Variants in GALNT2 observed in about 807,000 individuals in gnomAD.
GALNT2 encodes the protein UDP-GalNAc:polypeptide N-acetylgalactosaminyltransferase 2.
GALNT2 carries 31 observed loss-of-function variants against 81.4 expected under a neutral mutation model. That is an observed-to-expected ratio of 0.38 (90% CI 0.29 to 0.51). The LOEUF (loss-of-function observed/expected upper bound fraction) is 0.51, where lower values mean the gene tolerates loss of function less well. GALNT2 is among the 20% of genes least tolerant of loss of function. The pLI is 0.87. For synonymous variants in GALNT2, 303 were observed against 287.4 expected (o/e 1.05, Z -0.55); for missense variants, 629 against 765.7 (o/e 0.82, Z 2.11).
At chr1:230,254,546 ACT>A (rs1291944707) in intron 10 of GALNT2, among the ~76,000 whole-genome samples, 1 of 151,964 alleles carries the variant, frequency 6.6e-6, no homozygotes, top group Admixed American at 6.6e-5. Context: ...GTAAGTCCAA[ACT>A]CTGCCTGGAG....
At chr1:230,242,254 G>T (rs1414624805) in intron 6 of GALNT2, among the ~76,000 whole-genome samples, 3 of 152,054 alleles carry the variant, frequency 2.0e-5, no homozygotes, top group African/African-American at 7.2e-5. Context: ...TTTATATTTT[G>T]CTCAGAGTTT....
At chr1:230,253,226 C>T (rs888231495) in intron 10 of GALNT2, among the ~76,000 whole-genome samples, 35 of 152,170 alleles carry the variant, frequency 2.3e-4, no homozygotes, top group African/African-American at 8.2e-4. Flanking sequence ...GTGATTGTAA[C>T]CATACATTTT....
chr1:230,092,286 A>C (rs1424164483), intron 1 of GALNT2, among the ~76,000 whole-genome samples: 5 of 149,286 alleles, frequency 3.3e-5, no homozygotes, highest in Non-Finnish European at 3.0e-5. Context: ...ATCAGACTTG[A>C]GTTCTTTCCT....
intron 1 of GALNT2, among the ~76,000 whole-genome samples, chr1:230,137,182 A>C (rs1661576279): frequency 6.6e-6 from 1 of 152,148 alleles, no homozygotes; most frequent in African/African-American, 2.4e-5. Context: ...TTTTCACTGG[A>C]GCCTGAGTGG....
At chr1:230,278,575 A>G (rs1343610955) in intron 15 of GALNT2, among the ~76,000 whole-genome samples, 1 of 152,180 alleles carries the variant, frequency 6.6e-6, no homozygotes, top group Non-Finnish European at 1.5e-5. Context: ...GTAAAGAGGC[A>G]TCGTACCCTG....
chr1:230,250,385 C>A, intron 9 of GALNT2, 72 bp from the exon 10 acceptor site: 4 of 1,130,618 alleles, frequency 3.5e-6, no homozygotes, highest in South Asian at 1.3e-5. Context: ...TTGGCCTTGG[C>A]GCAAGGGTGC....
At chr1:230,219,352 G>T (rs1475146826) in intron 3 of GALNT2, among the ~76,000 whole-genome samples, 2 of 152,072 alleles carry the variant, frequency 1.3e-5, no homozygotes, top group African/African-American at 4.8e-5. Flanking sequence ...ATAAAGCAAT[G>T]CCCTGGTTGC....
At chr1:230,277,622 G>A (rs1666335130) in intron 15 of GALNT2, among the ~76,000 whole-genome samples, 1 of 152,204 alleles carries the variant, frequency 6.6e-6, no homozygotes, top group African/African-American at 2.4e-5. Context: ...GTCTTTCCCT[G>A]CTGGCAAGAA....
At chr1:230,269,939 C>T (rs941458651) in intron 14 of GALNT2, among the ~76,000 whole-genome samples, 4 of 152,096 alleles carry the variant, frequency 2.6e-5, no homozygotes, top group East Asian at 1.9e-4. Flanking sequence ...CGGTGGCTCA[C>T]GCCTGTAATC....
chr1:230,169,091 T>A (rs1024477446), intron 1 of GALNT2, among the ~76,000 whole-genome samples: 1 of 152,122 alleles, frequency 6.6e-6, no homozygotes, highest in Non-Finnish European at 1.5e-5. Flanking sequence ...GAGTTATGGG[T>A]TTGGGAGAGG....
At chr1:230,129,763 G>T (rs1236249189) in intron 1 of GALNT2, among the ~76,000 whole-genome samples, 1 of 152,200 alleles carries the variant, frequency 6.6e-6, no homozygotes, top group African/African-American at 2.4e-5. Flanking sequence ...TGGGTATTCT[G>T]CATGCTGCTG....
intron 6 of GALNT2, among the ~76,000 whole-genome samples, chr1:230,237,346 G>A (rs1487417918): frequency 1.3e-5 from 2 of 152,224 alleles, no homozygotes; most frequent in Non-Finnish European, 1.5e-5. Flanking sequence ...CAGTGTGTCA[G>A]TGCTGTTAGA....
intron 3 of GALNT2, among the ~76,000 whole-genome samples, chr1:230,215,124 T>C (rs183126149): frequency 6.6e-6 from 1 of 152,294 alleles, no homozygotes; most frequent in Non-Finnish European, 1.5e-5. Flanking sequence ...AGCTGGTGAG[T>C]TTCCAGTTCT....
chr1:230,141,058 T>TC (rs1661715308), intron 1 of GALNT2, among the ~76,000 whole-genome samples: 1 of 152,204 alleles, frequency 6.6e-6, no homozygotes, highest in South Asian at 2.1e-4. Context: ...AATGCATAGA[T>TC]CTGTAGGTAA....
upstream of GALNT2, chr1:230,067,200 C>A: frequency 1.1e-6 from 1 of 894,562 alleles, no homozygotes. Context: ...TCCGCTCCTC[C>A]CCCGGCCCCC....
Position 230,255,214 on chromosome 1 carries a change from T to C in GALNT2, c.1010-4T>C, listed in dbSNP as rs370362368. Reference sequence around the variant, plus strand: ...AGTCACCTGTGTCTTGTTCATCGTCTCAGAGATCTCGTTCCGCGTGTGGCA... The same window carrying C: ...AGTCACCTGTGTCTTGTTCATCGTCCCAGAGATCTCGTTCCGCGTGTGGCA... On this transcript the variant is annotated splice_polypyrimidine_tract_variant and splice_region_variant and intron_variant, in intron 10 of 15. Coordinates refer to ENST00000366672, the MANE Select transcript of GALNT2 (RefSeq NM_004481.5). The C allele has an allele frequency of 3.8e-5, 61 of 1,614,094 alleles. No individual in the cohort carries two copies. The African/African-American group carries it at 8.0e-4, about 21-fold the overall frequency.
intron 2 of GALNT2, among the ~76,000 whole-genome samples, chr1:230,180,880 T>G (rs747748638): frequency 6.6e-6 from 1 of 152,222 alleles, no homozygotes; most frequent in Non-Finnish European, 1.5e-5. Flanking sequence ...GTAAATGGTC[T>G]TGTGATTTTC....
intron 14 of GALNT2, among the ~76,000 whole-genome samples, chr1:230,274,072 A>T (rs1420220500): frequency 6.6e-6 from 1 of 152,252 alleles, no homozygotes; most frequent in African/African-American, 2.4e-5. Context: ...CCAACTGTCT[A>T]CCTGGTGTAT....
chr1:230,247,157 G>T (rs1050324628), intron 8 of GALNT2, among the ~76,000 whole-genome samples: 1 of 152,076 alleles, frequency 6.6e-6, no homozygotes, highest in African/African-American at 2.4e-5. Context: ...ACTTGAGCCT[G>T]GGAGGTCAAG....
Sources: gnomAD v4.1 joint callset for allele counts (sites outside exome capture counted in the v4.1 genomes callset) on GRCh38, gnomAD v4.1.1 for gene constraint, MANE v1.5 for transcripts, NCBI Gene and HGNC (gene_info 2026-07-23, HGNC 2026-07-21) for gene names.